The following VPS50 variants were observed in gnomAD, a reference collection of about 807,000 sequenced individuals.
The protein encoded by VPS50 is VPS50 subunit of EARP/GARPII complex.
A neutral mutation model predicts 139.7 loss-of-function variants in VPS50; 70 were observed. The observed-to-expected ratio is 0.50, with a 90% CI of 0.41 to 0.61. VPS50 has a LOEUF of 0.61. Ranked by LOEUF, VPS50 falls within the 20% of genes least tolerant of loss-of-function variation. VPS50 has a pLI of 0.00. For synonymous variants in VPS50, 365 were observed against 376.7 expected (o/e 0.97, Z 0.36); for missense variants, 921 against 1,133.7 (o/e 0.81, Z 2.69).
intron 9 of VPS50, among the ~76,000 whole-genome samples, chr7:93,268,586 T>C (rs1323575561): frequency 6.6e-6 from 1 of 152,196 alleles, no homozygotes; most frequent in East Asian, 1.9e-4. Context: ...TGTTTGGTTT[T>C]CTATTCCTGT....
chr7:93,309,321 AGTTT>A (rs1439887131), intron 19 of VPS50, among the ~76,000 whole-genome samples: 3 of 151,960 alleles, frequency 2.0e-5, no homozygotes, highest in Non-Finnish European at 4.4e-5. Context: ...TGAGTTATAC[AGTTT>A]GTTTGACATT....
intron 23 of VPS50, among the ~76,000 whole-genome samples, chr7:93,343,688 TA>T (rs2117067245): frequency 6.6e-6 from 1 of 151,820 alleles, no homozygotes; most frequent in Non-Finnish European, 1.5e-5. Context: ...TCAACATTCT[TA>T]AAAGAATTTC....
chr7:93,266,805 A>C (rs998994280), intron 9 of VPS50, among the ~76,000 whole-genome samples: 2 of 152,230 alleles, frequency 1.3e-5, no homozygotes, highest in South Asian at 4.1e-4. Context: ...AGCTTCTTTA[A>C]AAGCTGTACA....
At chr7:93,333,795 G>T in intron 21 of VPS50, 1 of 313,220 alleles carries the variant, frequency 3.2e-6, no homozygotes, top group Non-Finnish European at 5.9e-6. Context: ...ACAACAGAGT[G>T]TAATATGTTT....
chr7:93,244,072 A>G (rs998747934), intron 2 of VPS50, among the ~76,000 whole-genome samples: 15 of 151,502 alleles, frequency 9.9e-5, no homozygotes, highest in African/African-American at 2.4e-4. Context: ...TTTACCTTTG[A>G]TTTTTTTTCG....
chr7:93,293,310 C>T (rs913709115), intron 13 of VPS50, among the ~76,000 whole-genome samples: 4 of 152,130 alleles, frequency 2.6e-5, no homozygotes, highest in African/African-American at 9.7e-5. Context: ...ATAGAATTAA[C>T]ACATATTTTA....
rs575683791 is a variant in VPS50, at chr7:93,344,276, C to A, written c.2207+2701C>A. Among the ~76,000 whole-genome samples the A allele has an allele frequency of 9.2e-5, 14 of 152,258 alleles. No homozygotes were observed. In the South Asian group the frequency reaches 2.9e-3, roughly 32 times the overall value. ...AAAGGGATCAATTCAACAAGAAAAG[C>A]TAACTATCCTAAATATATATGCACC... is the stretch of plus-strand genomic sequence containing the variant. On this transcript the variant is annotated intron_variant, in intron 23 of 27. Coordinates refer to ENST00000305866, the MANE Select transcript of VPS50 (RefSeq NM_017667.4).
chr7:93,344,578 G>C (rs1404674304), intron 23 of VPS50, among the ~76,000 whole-genome samples: 3 of 152,050 alleles, frequency 2.0e-5, no homozygotes, highest in Non-Finnish European at 2.9e-5. Flanking sequence ...CACATACTTG[G>C]AAGTAAAGCT....
intron 2 of VPS50, among the ~76,000 whole-genome samples, chr7:93,243,534 G>A (rs1795058315): frequency 6.6e-6 from 1 of 151,934 alleles, no homozygotes; most frequent in African/African-American, 2.4e-5. Flanking sequence ...TGTAGAATAA[G>A]ATAGAATGAC....
intron 1 of VPS50, among the ~76,000 whole-genome samples, chr7:93,237,535 G>A (rs564313911): frequency 3.0e-4 from 45 of 152,230 alleles, no homozygotes; most frequent in Non-Finnish European, 5.6e-4. Flanking sequence ...TATATATCAC[G>A]TTTACATTTC....
At chr7:93,240,059 G>A in intron 2 of VPS50, 125 bp downstream of exon 2, 1 of 626,724 alleles carries the variant, frequency 1.6e-6, no homozygotes, top group South Asian at 1.8e-5. Context: ...GATAAGCTAG[G>A]TAAATTTTTA....
intron 20 of VPS50, among the ~76,000 whole-genome samples, chr7:93,314,790 A>C (rs1346480145): frequency 6.6e-6 from 1 of 152,096 alleles, no homozygotes; most frequent in African/African-American, 2.4e-5. Flanking sequence ...GGTGGAGAGA[A>C]CACAGGCATG....
At chr7:93,311,135 T>C (rs1365232652) in intron 19 of VPS50, 31 bp from the exon 20 acceptor site, 1 of 886,004 alleles carries the variant, frequency 1.1e-6, no homozygotes, top group Non-Finnish European at 1.9e-6. Context: ...TTGACAACTC[T>C]AGCAACTCTG....
chr7:93,284,487 C>T lies in VPS50; in HGVS notation c.943-7216C>T, dbSNP rs182223816. The stretch of plus-strand genomic sequence containing the variant: ...TTTTTATTTCACAATTTAACGGGTG[C>T]TAGTTACTTAATTCCAAGTTGGGAT... On this transcript the variant is annotated intron_variant, in intron 12 of 27. Coordinates refer to ENST00000305866, the MANE Select transcript of VPS50 (RefSeq NM_017667.4). 2.6e-3 allele frequency among the ~76,000 whole-genome samples: 397 copies of T among 152,208 alleles called. 4 individuals carry two copies. Among genetic ancestry groups the T allele is most frequent in the Non-Finnish European group, 2.5e-3 (173 of 68,012 alleles).
intron 20 of VPS50, chr7:93,320,350 T>TTTTTTC (rs1584465703): frequency 6.6e-6 from 1 of 151,848 alleles, no homozygotes; most frequent in South Asian, 2.1e-4. Flanking sequence ...TATCATTTCT[T>TTTTTTC]TTTTTCTTTT....
chr7:93,248,370 A>G (rs190335721), intron 2 of VPS50, among the ~76,000 whole-genome samples: 35 of 152,102 alleles, frequency 2.3e-4, no homozygotes, highest in Admixed American at 1.6e-3. Context: ...AGAATTATGT[A>G]TTTTTGTACA....
intron 18 of VPS50, among the ~76,000 whole-genome samples, chr7:93,306,671 C>T (rs1797125369): frequency 6.6e-6 from 1 of 151,896 alleles, no homozygotes; most frequent in African/African-American, 2.4e-5. Context: ...ATGCTTGCTT[C>T]ACAGTTCCTG....
chr7:93,250,380 G>A (rs1348144750), intron 2 of VPS50, among the ~76,000 whole-genome samples: 1 of 151,974 alleles, frequency 6.6e-6, no homozygotes, highest in African/African-American at 2.4e-5. Context: ...AAATAATCTA[G>A]AATGTCTCTA....
rs551441592 is a variant in VPS50, at chr7:93,272,616, T to G, written c.703-19T>G. On this transcript the variant is annotated intron_variant, in intron 10 of 27. Transcript: ENST00000305866. ...CATAATTCCTTAACCATGTCTTGCTTCTTCTTTTAATTATATAGGAACAGC... is the reference window on the plus strand; with the variant it reads ...CATAATTCCTTAACCATGTCTTGCTGCTTCTTTTAATTATATAGGAACAGC... The G allele has an allele frequency of 7.0e-6, 8 of 1,138,738 alleles. No homozygotes were observed. The highest frequency in any genetic ancestry group is 5.1e-5 in the East Asian group (2 of 38,848). The allele number at this position is 1,138,738 out of a possible 1,614,324, so 70.5% of individuals were successfully genotyped here.
Sources: gnomAD v4.1 joint callset for allele counts (sites outside exome capture counted in the v4.1 genomes callset) on GRCh38, gnomAD v4.1.1 for gene constraint, MANE v1.5 for transcripts, NCBI Gene and HGNC (gene_info 2026-07-23, HGNC 2026-07-21) for gene names.